MGAT5: variants seen among roughly 807,000 people sequenced by gnomAD.
The protein encoded by MGAT5 is alpha-1,6-mannosylglycoprotein 6-beta-N-acetylglucosaminyltransferase, also known as alpha-1,6-mannosylglycoprotein 6-beta-N-acetylglucosaminyltransferase A.
MGAT5 carries 30 observed loss-of-function variants against 94.3 expected under a neutral mutation model. That is an observed-to-expected ratio of 0.32 (90% CI 0.24 to 0.43). The LOEUF (loss-of-function observed/expected upper bound fraction) is 0.43, where lower values mean the gene tolerates loss of function less well. Ranked by LOEUF, MGAT5 falls within the 20% of genes least tolerant of loss-of-function variation. The probability of loss-of-function intolerance (pLI) is 1.00; values close to 1 mark genes in which losing one functional copy is unlikely to be tolerated. For synonymous variants in MGAT5, 310 were observed against 322.9 expected, an observed-to-expected ratio of 0.96 and a Z score of 0.43; for missense variants, 691 against 905.5, an observed-to-expected ratio of 0.76 and a Z score of 3.04.
At chr2:134,312,898 C>T (rs746779990) in intron 2 of MGAT5, among the ~76,000 whole-genome samples, 12 of 151,982 alleles carry the variant, frequency 7.9e-5, no homozygotes, top group Non-Finnish European at 1.3e-4. Flanking sequence ...GGCAAGTTAT[C>T]CCCCATCCAT....
intron 1 of MGAT5, among the ~76,000 whole-genome samples, chr2:134,189,597 T>TTTTTTGTTTTGTTTTG (rs796171408): frequency 2.3e-5 from 2 of 87,140 alleles, no homozygotes; most frequent in African/African-American, 4.6e-5. Context: ...CTCTAGTTTT[T>TTTTTTGTTTTGTTTTG]TTTTGTTTTT....
At chr2:134,189,071 G>A (rs1044156818) in intron 1 of MGAT5, among the ~76,000 whole-genome samples, 2 of 152,186 alleles carry the variant, frequency 1.3e-5, no homozygotes, top group Admixed American at 6.5e-5. Context: ...CTGGCACGTT[G>A]ATGTGTTTAC....
intron 13 of MGAT5, among the ~76,000 whole-genome samples, chr2:134,424,336 T>G (rs1407894562): frequency 1.3e-5 from 2 of 151,920 alleles, no homozygotes; most frequent in Non-Finnish European, 2.9e-5. Flanking sequence ...TCCAGGGGAG[T>G]GAGGGCACTC....
At chr2:134,137,558 T>C (rs1386410392) in intron 1 of MGAT5, among the ~76,000 whole-genome samples, 1 of 152,238 alleles carries the variant, frequency 6.6e-6, no homozygotes, top group Non-Finnish European at 1.5e-5. Flanking sequence ...CTTGTAGCTA[T>C]ATTTAGAGCA....
intron 10 of MGAT5, among the ~76,000 whole-genome samples, chr2:134,366,850 T>C (rs896429597): frequency 2.0e-5 from 3 of 152,198 alleles, no homozygotes; most frequent in Non-Finnish European, 4.4e-5. Context: ...TAACTCCTCT[T>C]TTCTATTTAT....
At chr2:134,241,325 A>G (rs898946237) in intron 1 of MGAT5, among the ~76,000 whole-genome samples, 3 of 152,266 alleles carry the variant, frequency 2.0e-5, no homozygotes, top group African/African-American at 7.2e-5. Flanking sequence ...ATTCTGCCGG[A>G]AAACATGTTC....
intron 2 of MGAT5, among the ~76,000 whole-genome samples, chr2:134,311,215 G>A (rs1161780298): frequency 1.3e-5 from 2 of 152,142 alleles, no homozygotes; most frequent in African/African-American, 4.8e-5. Context: ...CATGTTCTTT[G>A]AGGTTTCTGA....
chr2:134,376,280 CTT>C (rs1681164539), intron 10 of MGAT5, among the ~76,000 whole-genome samples: 1 of 152,124 alleles, frequency 6.6e-6, no homozygotes, highest in African/African-American at 2.4e-5. Context: ...CATTCTTTCT[CTT>C]TCTTTCCCTT....
intron 1 of MGAT5, among the ~76,000 whole-genome samples, chr2:134,124,146 C>G (rs1685736515): frequency 6.6e-6 from 1 of 152,208 alleles, no homozygotes; most frequent in Non-Finnish European, 1.5e-5. Context: ...TAAATTATCT[C>G]ACTTTTAATT....
At chr2:134,437,766 A>T (rs113738955) in intron 14 of MGAT5, among the ~76,000 whole-genome samples, 25 of 152,288 alleles carry the variant, frequency 1.6e-4, no homozygotes, top group African/African-American at 5.8e-4. Context: ...CTGTAATCCC[A>T]CACTTTGGGA....
intron 4 of MGAT5, among the ~76,000 whole-genome samples, chr2:134,327,300 G>T (rs938681079): frequency 1.3e-5 from 2 of 152,106 alleles, no homozygotes; most frequent in African/African-American, 4.8e-5. Context: ...ACCTGAAACT[G>T]AGGGTGGTAC....
upstream of MGAT5, among the ~76,000 whole-genome samples, chr2:134,252,104 G>A (rs955056333): frequency 1.4e-4 from 22 of 152,200 alleles, no homozygotes; most frequent in African/African-American, 5.1e-4. Flanking sequence ...CATTGTCAGA[G>A]AAGTGTTGTA....
At chr2:134,395,532 G>A (rs1432723184) in intron 10 of MGAT5, among the ~76,000 whole-genome samples, 2 of 152,174 alleles carry the variant, frequency 1.3e-5, no homozygotes, top group African/African-American at 4.8e-5. Flanking sequence ...AGTAGTATTA[G>A]CACCTTGTTT....
At position 134,187,939 on chromosome 2, in the gene MGAT5, G is replaced by A. The variant is rs147397018; in HGVS notation, c.-142-66323G>A. ...AAGGGAGAGGAGGTTTGTGTCAGCC[G>A]TGGAGAGATTCCGCCTGTGGTGAAA... On this transcript the variant is annotated intron_variant, in intron 1 of 16. Coordinates refer to the MGAT5 transcript ENST00000409645. Among the ~76,000 whole-genome samples, 282 of 152,346 alleles carry A rather than the reference G, an allele frequency of 1.9e-3. 1 individual carries two copies. The highest frequency in any genetic ancestry group is 6.5e-3 in the African/African-American group (269 of 41,582).
intron 2 of MGAT5, among the ~76,000 whole-genome samples, chr2:134,313,848 T>G (rs1318060096): frequency 1.8e-4 from 28 of 152,136 alleles, no homozygotes; most frequent in Admixed American, 1.8e-3. Flanking sequence ...AGTACCCACC[T>G]CCCTCTTTTG....
intron 1 of MGAT5, among the ~76,000 whole-genome samples, chr2:134,169,427 CACACACACACACATAT>C (rs1295167358): frequency 1.2e-4 from 18 of 151,364 alleles, no homozygotes; most frequent in African/African-American, 4.4e-4. Flanking sequence ...CACACACACA[CACACACACACACATAT>C]ATAAAAGATT....
intron 1 of MGAT5, among the ~76,000 whole-genome samples, chr2:134,202,587 C>T (rs1467899399): frequency 6.6e-6 from 1 of 152,214 alleles, no homozygotes; most frequent in South Asian, 2.1e-4. Context: ...GAAGTGTTGC[C>T]CCAGGCATCA....
chr2:134,420,524 A>G (rs1684236188), intron 12 of MGAT5, among the ~76,000 whole-genome samples: 1 of 152,170 alleles, frequency 6.6e-6, no homozygotes, highest in South Asian at 2.1e-4. Context: ...TGCCTTGAAT[A>G]GCACATGCAT....
At chr2:134,189,616 T>TTTTTTTTTTTTTG in intron 1 of MGAT5, among the ~76,000 whole-genome samples, 1 of 141,464 alleles carries the variant, frequency 7.1e-6, no homozygotes, top group Non-Finnish European at 1.5e-5. Context: ...TTTTTTTTTT[T>TTTTTTTTTTTTTG]TTTTAAGACA....
Sources: allele counts gnomAD v4.1 joint callset (sites outside exome capture counted in the v4.1 genomes callset), GRCh38; gene constraint gnomAD v4.1.1; transcripts MANE v1.5; gene names NCBI Gene and HGNC (gene_info 2026-07-23, HGNC 2026-07-21).